The following CAMTA1 variants were observed in gnomAD, a reference collection of about 807,000 sequenced individuals.
CAMTA1 encodes calmodulin-binding transcription activator 1.
CAMTA1 carries 27 observed loss-of-function variants against 170.9 expected under a neutral mutation model. The observed-to-expected ratio is 0.16, with a 90% CI of 0.12 to 0.22. CAMTA1 has a LOEUF of 0.22. CAMTA1 is among the 10% of genes least tolerant of loss of function. The pLI, the probability that CAMTA1 is intolerant of heterozygous loss-of-function variation, is 1.00. For synonymous variants in CAMTA1, 833 were observed against 891.5 expected (o/e 0.93, Z 1.17); for missense variants, 1,619 against 2,217.2 (o/e 0.73, Z 5.42).
chr1:7,529,425 C>T (rs1260402647), intron 6 of CAMTA1, among the ~76,000 whole-genome samples: 1 of 152,136 alleles, frequency 6.6e-6, no homozygotes, highest in African/African-American at 2.4e-5. Flanking sequence ...GCACTGACCC[C>T]GTGCGACAGT....
At chr1:7,448,943 C>T (rs183082762) in intron 5 of CAMTA1, among the ~76,000 whole-genome samples, 1 of 152,318 alleles carries the variant, frequency 6.6e-6, no homozygotes, top group African/African-American at 2.4e-5. Flanking sequence ...GGCTGTTTTG[C>T]ACACACAGGT....
intron 6 of CAMTA1, among the ~76,000 whole-genome samples, chr1:7,545,903 G>A (rs1205713543): frequency 7.1e-6 from 1 of 140,862 alleles, no homozygotes; most frequent in Non-Finnish European, 1.5e-5. Flanking sequence ...TGTTCTCATT[G>A]TTCAGCTCCC....
rs1333769038 is a variant in CAMTA1 at position 7,565,777 on chromosome 1, C to T, written c.511-74623C>T. Among the ~76,000 whole-genome samples the T allele has an allele frequency of 6.6e-6, 1 of 152,102 alleles. No individual in the cohort carries two copies. Among genetic ancestry groups the T allele is most frequent in the Non-Finnish European group, 1.5e-5 (1 of 68,016 alleles). On this transcript the variant is annotated intron_variant, in intron 6 of 22. Transcript: ENST00000303635. The surrounding 1 kb of genome is among the most constrained non-coding windows in gnomAD (Gnocchi z 4.5). ...GGCTGCCATGACAAAATACCATAGA[C>T]CGGGTGGCTTAAACAGTAGACATTT...
intron 3 of CAMTA1, among the ~76,000 whole-genome samples, chr1:6,909,736 C>G (rs74051053): frequency 6.6e-6 from 1 of 152,226 alleles, no homozygotes; most frequent in African/African-American, 2.4e-5. Flanking sequence ...TGGACTGATT[C>G]TGTGACCTTG....
At chr1:7,021,521 T>C (rs1701350613) in intron 3 of CAMTA1, among the ~76,000 whole-genome samples, 1 of 152,222 alleles carries the variant, frequency 6.6e-6, no homozygotes, top group African/African-American at 2.4e-5. Flanking sequence ...TCTCTTACAC[T>C]TCTCTTCCCT....
intron 6 of CAMTA1, among the ~76,000 whole-genome samples, chr1:7,632,265 C>T (rs960235584): frequency 3.3e-5 from 5 of 152,338 alleles, no homozygotes; most frequent in South Asian, 2.1e-4. Flanking sequence ...CTTCCTCGCC[C>T]GTCTCCCTCC....
intron 6 of CAMTA1, among the ~76,000 whole-genome samples, chr1:7,535,732 T>G (rs530679282): frequency 1.3e-5 from 2 of 152,086 alleles, no homozygotes; most frequent in African/African-American, 4.8e-5. Flanking sequence ...TATTGTCACC[T>G]CTCTGTGGCC....
chr1:7,202,853 C>A (rs1008548198), intron 4 of CAMTA1, among the ~76,000 whole-genome samples: 2 of 152,096 alleles, frequency 1.3e-5, no homozygotes, highest in Non-Finnish European at 2.9e-5. Flanking sequence ...CCTTTCCAAC[C>A]CGGAGGTCTT....
At chr1:7,329,067 T>G (rs958931159) in intron 5 of CAMTA1, among the ~76,000 whole-genome samples, 17 of 152,128 alleles carry the variant, frequency 1.1e-4, no homozygotes, top group African/African-American at 4.1e-4. Flanking sequence ...ATGCCTTAAC[T>G]CCACTTAATG....
chr1:7,329,095 A>C (rs2082869081), intron 5 of CAMTA1, among the ~76,000 whole-genome samples: 1 of 152,114 alleles, frequency 6.6e-6, no homozygotes, highest in African/African-American at 2.4e-5. Flanking sequence ...ATCCTTCCTA[A>C]ATCTGCCCTT....
At chr1:6,917,141 G>T (rs1431008766) in intron 3 of CAMTA1, among the ~76,000 whole-genome samples, 1 of 152,148 alleles carries the variant, frequency 6.6e-6, no homozygotes, top group Non-Finnish European at 1.5e-5. Flanking sequence ...CAGGGAGAGA[G>T]TGGCATGTTC....
intron 1 of CAMTA1, among the ~76,000 whole-genome samples, chr1:6,811,805 C>T (rs886187151): frequency 4.6e-5 from 7 of 152,182 alleles, no homozygotes; most frequent in African/African-American, 1.7e-4. Flanking sequence ...CCCAGATAGC[C>T]GACCTCCATT....
At chr1:6,961,793 G>C (rs1273807268) in intron 3 of CAMTA1, among the ~76,000 whole-genome samples, 1 of 152,224 alleles carries the variant, frequency 6.6e-6, no homozygotes, top group African/African-American at 2.4e-5. Context: ...GTGCAAACGA[G>C]GACTAGACTG....
At chr1:7,018,474 G>T (rs1470063122) in intron 3 of CAMTA1, among the ~76,000 whole-genome samples, 1 of 152,096 alleles carries the variant, frequency 6.6e-6, no homozygotes, top group Non-Finnish European at 1.5e-5. Context: ...GGAGATTTGT[G>T]TAGGACTCTT....
intron 3 of CAMTA1, among the ~76,000 whole-genome samples, chr1:7,040,350 G>C (rs1234262356): frequency 6.6e-6 from 1 of 152,152 alleles, no homozygotes; most frequent in Non-Finnish European, 1.5e-5. Context: ...GTGTGATCCG[G>C]TGCAATCAGA....
chr1:6,852,012 C>CAAAAA (rs71280861), intron 3 of CAMTA1, among the ~76,000 whole-genome samples: 1 of 90,648 alleles, frequency 1.1e-5, no homozygotes. Context: ...ACTCTATCTC[C>CAAAAA]AAAAAAAAAA....
intron 3 of CAMTA1, among the ~76,000 whole-genome samples, chr1:6,885,563 G>A (rs1424871209): frequency 1.3e-5 from 2 of 152,218 alleles, no homozygotes; most frequent in Non-Finnish European, 2.9e-5. Context: ...TTGGTCTGCA[G>A]TAGGCAAGCC....
At chr1:7,495,332 G>A (rs2093809797) in intron 6 of CAMTA1, among the ~76,000 whole-genome samples, 1 of 152,120 alleles carries the variant, frequency 6.6e-6, no homozygotes, top group South Asian at 2.1e-4. Context: ...GATTCCCGCA[G>A]CTGTGTTCTG....
At chr1:6,981,809 A>C (rs1056258651) in intron 3 of CAMTA1, among the ~76,000 whole-genome samples, 3 of 151,386 alleles carry the variant, frequency 2.0e-5, no homozygotes, top group Non-Finnish European at 4.4e-5. Flanking sequence ...AGCTTGCTGC[A>C]GTGCTGACTC....
Sources: gnomAD v4.1 joint callset for allele counts (sites outside exome capture counted in the v4.1 genomes callset) on GRCh38, gnomAD v4.1.1 for gene constraint, Gnocchi (gnomAD v3.1) non-coding constraint, MANE v1.5 for transcripts, NCBI Gene and HGNC (gene_info 2026-07-23, HGNC 2026-07-21) for gene names.